The following SSH2 variants were observed in gnomAD, a reference collection of about 807,000 sequenced individuals.
The protein encoded by SSH2 is slingshot protein phosphatase 2, also known as protein phosphatase Slingshot homolog 2.
A neutral mutation model predicts 135.2 loss-of-function variants in SSH2; 37 were observed. That is an observed-to-expected ratio of 0.27 (90% confidence interval 0.21 to 0.36). The LOEUF (loss-of-function observed/expected upper bound fraction) is 0.36, where lower values mean the gene tolerates loss of function less well. Among genes scored for constraint, SSH2 ranks in the 10% least tolerant of loss-of-function variants. The pLI, the probability that SSH2 is intolerant of heterozygous loss-of-function variation, is 1.00. For missense variants in SSH2, 1,408 were observed against 1,765.3 expected (o/e 0.80, Z 3.63); for synonymous variants, 628 against 646.2 (o/e 0.97, Z 0.43).
intron 3 of SSH2, among the ~76,000 whole-genome samples, chr17:29,786,987 A>G (rs2151296582): frequency 6.6e-6 from 1 of 152,328 alleles, no homozygotes; most frequent in South Asian, 2.1e-4. Context: ...TTGTGGTAAA[A>G]TAAACATAAA....
chr17:29,682,527 T>C (rs1432267658), intron 6 of SSH2, among the ~76,000 whole-genome samples: 1 of 152,140 alleles, frequency 6.6e-6, no homozygotes, highest in Non-Finnish European at 1.5e-5. Context: ...GGCTCATGCC[T>C]ATAATCCCAG....
At chr17:29,905,623 G>A (rs927387461) in intron 1 of SSH2, among the ~76,000 whole-genome samples, 5 of 152,186 alleles carry the variant, frequency 3.3e-5, no homozygotes, top group Admixed American at 1.3e-4. Flanking sequence ...AAAGTCAGGC[G>A]AGCCTGAGTG....
At chr17:29,751,240 A>AC (rs1451290287) in intron 3 of SSH2, among the ~76,000 whole-genome samples, 1 of 152,052 alleles carries the variant, frequency 6.6e-6, no homozygotes, top group African/African-American at 2.4e-5. Context: ...ACATAGTGAA[A>AC]CCCCATCTCT....
chr17:29,681,978 T>C (rs886705531), intron 6 of SSH2, among the ~76,000 whole-genome samples: 1 of 152,188 alleles, frequency 6.6e-6, no homozygotes, highest in African/African-American at 2.4e-5. Flanking sequence ...AAAACTAGTT[T>C]CTAGCTTTTC....
chr17:29,676,851 T>C lies in SSH2; in HGVS notation c.583A>G (p.Ile195Val). The change falls in exon 8 of 16, where the codon ATA (isoleucine) becomes GTA (valine). Residue 195 changes from isoleucine to valine, a missense_variant. Coordinates refer to ENST00000540801, the MANE Select transcript of SSH2 (RefSeq NM_001282129.2). The stretch of plus-strand genomic sequence containing the variant: ...GCCTGCACAGATACAGGTTTGAATA[T>C]GTGAACTCTGTTATCCGTCGATACA... ...FSVSTDNRVH[I>V]FKPVSVQAMW... 1 of 1,614,010 alleles carries C rather than the reference T, an allele frequency of 6.2e-7. No individual in the cohort carries two copies.
intron 2 of SSH2, among the ~76,000 whole-genome samples, chr17:29,798,945 T>C (rs927148857): frequency 2.6e-5 from 4 of 152,242 alleles, no homozygotes; most frequent in Non-Finnish European, 5.9e-5. Context: ...CCTCTTTGCA[T>C]TATTTATTCC....
At position 29,632,551 on chromosome 17, in the gene SSH2, C is replaced by G. The variant is rs1199341283; in HGVS notation, c.2643G>C (p.Gly881=). The G allele has an allele frequency of 1.9e-6, 3 of 1,614,236 alleles. No homozygotes were observed. The highest frequency in any genetic ancestry group is 2.5e-6 in the Non-Finnish European group (3 of 1,180,040). The change falls in exon 16 of 16, where the codon GGG becomes GGC. Residue 881 remains glycine, a synonymous_variant. Coordinates refer to ENST00000540801, the MANE Select transcript of SSH2 (RefSeq NM_001282129.2). ...AEGEQELQGS[G]MHPGAKWYPG... is the part of the protein sequence containing the mutation. ...GGTACCACTTGGCACCTGGGTGCAT[C>G]CCTGAGCCCTGGAGCTCTTGTTCCC... is the stretch of plus-strand genomic sequence containing the variant.
rs1457343664 is a variant in SSH2, at chr17:29,676,902, A to G, written c.549-17T>C. On this transcript the variant is annotated splice_polypyrimidine_tract_variant and intron_variant, in intron 7 of 15. Coordinates refer to ENST00000540801, the MANE Select transcript of SSH2 (RefSeq NM_001282129.2). ...CTGAACCCACTAAGGACAAATGAGA[A>G]CAAGACAAAAATCCACAAATTAGGG... The G allele has an allele frequency of 8.1e-6, 13 of 1,610,980 alleles. No homozygotes were observed. Among genetic ancestry groups the G allele is most frequent in the Non-Finnish European group, 1.1e-5 (13 of 1,177,608 alleles).
At chr17:29,657,246 C>A (rs979177943) in intron 11 of SSH2, among the ~76,000 whole-genome samples, 15 of 145,378 alleles carry the variant, frequency 1.0e-4, no homozygotes, top group Non-Finnish European at 1.5e-4. Context: ...GGATTACAGG[C>A]GTGAGGCACT....
At chr17:29,831,211 G>A (rs1318194709) in intron 2 of SSH2, among the ~76,000 whole-genome samples, 1 of 152,054 alleles carries the variant, frequency 6.6e-6, no homozygotes. Flanking sequence ...GCAGTTACAT[G>A]TAGAAAGAAA....
intron 2 of SSH2, among the ~76,000 whole-genome samples, chr17:29,838,538 A>G (rs1161651878): frequency 2.0e-5 from 3 of 152,176 alleles, no homozygotes; most frequent in Admixed American, 1.3e-4. Context: ...CCACTCATGA[A>G]CCAACTGGCA....
intron 2 of SSH2, among the ~76,000 whole-genome samples, chr17:29,814,984 T>C (rs1469889123): frequency 2.0e-5 from 3 of 150,758 alleles, no homozygotes; most frequent in Non-Finnish European, 4.4e-5. Flanking sequence ...ATTTCACTGT[T>C]GATACCCAGG....
At chr17:29,875,086 C>G (rs2066004698) in intron 1 of SSH2, among the ~76,000 whole-genome samples, 1 of 152,126 alleles carries the variant, frequency 6.6e-6, no homozygotes, top group Non-Finnish European at 1.5e-5. Flanking sequence ...CCATGGTAAG[C>G]TGGAGACTGT....
At chr17:29,746,603 A>T (rs574033889) in intron 3 of SSH2, among the ~76,000 whole-genome samples, 1 of 151,654 alleles carries the variant, frequency 6.6e-6, no homozygotes, top group African/African-American at 2.4e-5. Flanking sequence ...AATTATGGGA[A>T]ATTAAAACTT....
intron 3 of SSH2, among the ~76,000 whole-genome samples, chr17:29,740,800 T>C (rs2151205428): frequency 6.6e-6 from 1 of 152,338 alleles, no homozygotes; most frequent in Non-Finnish European, 1.5e-5. Context: ...ACTTAACACT[T>C]CCTAAACAGC....
intron 15 of SSH2, 75 bp from the exon 16 acceptor site, chr17:29,633,006 A>G (rs898000747): frequency 1.5e-6 from 2 of 1,329,290 alleles, no homozygotes; most frequent in African/African-American, 1.5e-5. Context: ...CTGCTTATTA[A>G]TCCTCTGATC....
intron 8 of SSH2, among the ~76,000 whole-genome samples, chr17:29,673,467 G>C (rs2037577319): frequency 6.6e-6 from 1 of 152,084 alleles, no homozygotes; most frequent in East Asian, 1.9e-4. Flanking sequence ...GTACTCGGGA[G>C]GCTGAGGAGG....
intron 1 of SSH2, among the ~76,000 whole-genome samples, chr17:29,851,612 T>G (rs1442679929): frequency 6.6e-6 from 1 of 151,164 alleles, no homozygotes; most frequent in African/African-American, 2.4e-5. Context: ...TTAATAATAA[T>G]AATAATAATG....
chr17:29,761,519 G>T, intron 3 of SSH2: 1 of 823,540 alleles, frequency 1.2e-6, no homozygotes, highest in Non-Finnish European at 1.5e-6. Flanking sequence ...CCCGGCCGGC[G>T]CCCCGCCCCA....
Sources: gnomAD v4.1 joint callset for allele counts (sites outside exome capture counted in the v4.1 genomes callset) on GRCh38, gnomAD v4.1.1 for gene constraint, MANE v1.5 for transcripts, NCBI Gene and HGNC (gene_info 2026-07-23, HGNC 2026-07-21) for gene names.